Variants in MAP3K13 observed in about 807,000 individuals in gnomAD.
MAP3K13 encodes mitogen-activated protein kinase kinase kinase 13, also known as leucine zipper-bearing kinase.
Under a neutral mutation model 104.0 loss-of-function variants are expected in MAP3K13, and 52 were observed. That is an observed-to-expected ratio of 0.50 (90% CI 0.40 to 0.63). The LOEUF (loss-of-function observed/expected upper bound fraction) is 0.63, where lower values mean the gene tolerates loss of function less well. Among genes scored for constraint, MAP3K13 ranks in the 20% least tolerant of loss-of-function variants. The pLI, the probability that MAP3K13 is intolerant of heterozygous loss-of-function variation, is 0.00. For synonymous variants in MAP3K13, 394 were observed against 442.2 expected (o/e 0.89, Z 1.37); for missense variants, 914 against 1,218.5 (o/e 0.75, Z 3.72).
At chr3:185,383,433 G>C (rs918124807) in intron 1 of MAP3K13, among the ~76,000 whole-genome samples, 3 of 151,926 alleles carry the variant, frequency 2.0e-5, no homozygotes, top group Non-Finnish European at 4.4e-5. Flanking sequence ...GTGGTGGCGG[G>C]CACCTGTAGT....
At chr3:185,389,827 A>G (rs1711933725) in intron 1 of MAP3K13, among the ~76,000 whole-genome samples, 1 of 152,164 alleles carries the variant, frequency 6.6e-6, no homozygotes, top group African/African-American at 2.4e-5. Flanking sequence ...TTTAAAAATA[A>G]TAAACCTATC....
intron 2 of MAP3K13, among the ~76,000 whole-genome samples, chr3:185,295,392 A>T (rs1475739144): frequency 6.6e-6 from 1 of 152,154 alleles, no homozygotes; most frequent in Non-Finnish European, 1.5e-5. Context: ...TTTAGTAGAG[A>T]TGGGGTTTCA....
chr3:185,427,977 GC>G (rs1560100931), intron 1 of MAP3K13, among the ~76,000 whole-genome samples: 2 of 151,878 alleles, frequency 1.3e-5, no homozygotes, highest in African/African-American at 2.4e-5. Context: ...TACTTGGGAG[GC>G]TGAGGCAGGA....
At chr3:185,325,193 A>G (rs9812439) in intron 2 of MAP3K13, among the ~76,000 whole-genome samples, 118,557 of 152,180 alleles carry the variant, frequency 0.78, 46,702 homozygotes, top group Non-Finnish European at 0.84. Context: ...GATCTTAATA[A>G]TTTGGAAAAG....
chr3:185,473,951 G>A lies in MAP3K13; in HGVS notation c.2430+190G>A, dbSNP rs186691946. ...CCACACTGTTTAAGTGATAAACTAC[G>A]GAATACACTTTAGCAACTACTGAAC... On this transcript the variant is annotated intron_variant, in intron 11 of 13. Transcript: ENST00000265026. The surrounding 1 kb of genome is among the most constrained non-coding windows in gnomAD (Gnocchi z 4.9). Among the ~76,000 whole-genome samples the A allele has an allele frequency of 2.8e-4, 43 of 152,214 alleles. No homozygotes were observed. The highest frequency in any genetic ancestry group is 7.5e-4 in the African/African-American group (31 of 41,550).
intron 1 of MAP3K13, among the ~76,000 whole-genome samples, chr3:185,408,437 T>TGGCGCATGCC (rs2108783499): frequency 6.6e-6 from 1 of 152,222 alleles, no homozygotes; most frequent in African/African-American, 2.4e-5. Flanking sequence ...CCGGGCATGG[T>TGGCGCATGCC]GGCGCATGCC....
chr3:185,352,946 A>G (rs1296999854), intron 2 of MAP3K13, among the ~76,000 whole-genome samples: 1 of 152,250 alleles, frequency 6.6e-6, no homozygotes, highest in Non-Finnish European at 1.5e-5. Context: ...AGCAACTACT[A>G]TCTTTTACTA....
intron 7 of MAP3K13, among the ~76,000 whole-genome samples, chr3:185,451,912 C>T (rs901966558): frequency 6.7e-6 from 1 of 150,276 alleles, no homozygotes; most frequent in Non-Finnish European, 1.5e-5. Context: ...AGAAAAAACA[C>T]GTGTCAGAAT....
intron 13 of MAP3K13, 102 bp downstream of exon 13, chr3:185,480,631 A>G: frequency 8.3e-7 from 1 of 1,207,866 alleles, no homozygotes; most frequent in Non-Finnish European, 1.1e-6. Flanking sequence ...ATAAGATACA[A>G]CAGTGGCCTT....
intron 7 of MAP3K13, among the ~76,000 whole-genome samples, chr3:185,455,623 TGA>T (rs1560120081): frequency 9.7e-5 from 5 of 51,450 alleles, no homozygotes; most frequent in African/African-American, 3.3e-4. Context: ...ATGAGATATA[TGA>T]TATATATATG....
At chr3:185,309,240 A>T (rs1185961936) in intron 2 of MAP3K13, among the ~76,000 whole-genome samples, 6 of 152,112 alleles carry the variant, frequency 3.9e-5, no homozygotes, top group Admixed American at 3.3e-4. Context: ...CTGGATGCTC[A>T]CTCTGTGATC....
At chr3:185,409,101 C>T (rs1422803230) in intron 1 of MAP3K13, among the ~76,000 whole-genome samples, 1 of 152,222 alleles carries the variant, frequency 6.6e-6, no homozygotes, top group Non-Finnish European at 1.5e-5. Flanking sequence ...GGCCTGGTGG[C>T]TCATGCCTGT....
chr3:185,472,405 G>A (rs1481139960), intron 10 of MAP3K13, among the ~76,000 whole-genome samples: 1 of 151,830 alleles, frequency 6.6e-6, no homozygotes, highest in African/African-American at 2.4e-5. Flanking sequence ...TAGAGACGGG[G>A]TTTCACCATG....
At chr3:185,365,726 G>GA (rs561501233) in intron 1 of MAP3K13, among the ~76,000 whole-genome samples, 1 of 151,980 alleles carries the variant, frequency 6.6e-6, no homozygotes, top group Admixed American at 6.6e-5. Context: ...ATATGGGGGA[G>GA]AAAAAAATTT....
intron 2 of MAP3K13, among the ~76,000 whole-genome samples, chr3:185,334,104 C>A (rs1222202785): frequency 2.0e-5 from 3 of 151,964 alleles, no homozygotes; most frequent in African/African-American, 7.2e-5. Context: ...AGGAATAAAT[C>A]TTTCAAAAGA....
At chr3:185,467,036 T>C in intron 10 of MAP3K13, 73 bp downstream of exon 10, 2 of 1,541,698 alleles carry the variant, frequency 1.3e-6, no homozygotes, top group Non-Finnish European at 1.8e-6. Flanking sequence ...TCTCACATGA[T>C]GGCGGATGTG....
intron 2 of MAP3K13, among the ~76,000 whole-genome samples, chr3:185,340,885 G>A (rs1451558220): frequency 2.0e-5 from 3 of 152,050 alleles, no homozygotes; most frequent in Non-Finnish European, 2.9e-5. Context: ...CCAGCAATGC[G>A]GAACTGTGAG....
chr3:185,322,226 C>G (rs770727108), intron 2 of MAP3K13, among the ~76,000 whole-genome samples: 4 of 152,196 alleles, frequency 2.6e-5, no homozygotes, highest in Admixed American at 1.3e-4. Flanking sequence ...TTGCCAAAGG[C>G]CTTTAAATCA....
At position 185,393,351 on chromosome 3, in the gene MAP3K13, T is replaced by C. The variant is rs76308730; in HGVS notation, c.-86+29983T>C. On this transcript the variant is annotated intron_variant, in intron 1 of 13. Coordinates refer to ENST00000265026, the MANE Select transcript of MAP3K13 (RefSeq NM_004721.5). ...TAATTAGGGGCAAAACTAGTCAATA[T>C]CCACAGGGCAATAACCAATTACATT... Among the ~76,000 whole-genome samples, 1,275 of 152,252 alleles carry C rather than the reference T, an allele frequency of 8.4e-3. 22 individuals are homozygous for C. The highest frequency in any genetic ancestry group is 0.029 in the African/African-American group (1,189 of 41,566).
Sources: gnomAD v4.1 joint callset for allele counts (sites outside exome capture counted in the v4.1 genomes callset) on GRCh38, gnomAD v4.1.1 for gene constraint, Gnocchi (gnomAD v3.1) non-coding constraint, MANE v1.5 for transcripts, NCBI Gene and HGNC (gene_info 2026-07-23, HGNC 2026-07-21) for gene names.